CYTH1: variants seen among roughly 807,000 people sequenced by gnomAD.
CYTH1 encodes the protein cytohesin-1.
In CYTH1, 18 loss-of-function variants were observed where a neutral mutation model predicts 61.8. The ratio of observed to expected loss-of-function variants is 0.29; its 90% CI spans 0.20 to 0.43. CYTH1 has a LOEUF of 0.43. CYTH1 is among the 20% of genes least tolerant of loss of function. The pLI is 1.00. For missense variants in CYTH1, 336 were observed against 510.5 expected (o/e 0.66, Z 3.29); for synonymous variants, 174 against 184.3 (o/e 0.94, Z 0.45).
In CYTH1 at chr17:78,700,868, C is replaced by A. The variant is rs1051020605; in HGVS notation, c.438-425G>T. Among the ~76,000 whole-genome samples the A allele has an allele frequency of 2.0e-5, 3 of 152,100 alleles. No individual in the cohort carries two copies. The highest frequency in any genetic ancestry group is 4.4e-5 in the Non-Finnish European group (3 of 68,006). ...ACATCAAAGTGCAAAGGGAACCCTG[C>A]TGGGCTGCAGCCTTCTGTTACTGTA... On this transcript the variant is annotated intron_variant, in intron 6 of 13. Transcript: ENST00000446868. This position sits in a 1 kb window ranked among gnomAD's most constrained non-coding sequence, Gnocchi z 5.1.
intron 3 of CYTH1, among the ~76,000 whole-genome samples, chr17:78,705,512 CATGAGT>C (rs2093056162): frequency 6.6e-6 from 1 of 152,140 alleles, no homozygotes; most frequent in Non-Finnish European, 1.5e-5. Context: ...TCCTGTACTA[CATGAGT>C]ATATTATTTC....
intron 1 of CYTH1, chr17:78,727,610 T>TCCA (rs781354735): frequency 1.7e-5 from 8 of 460,318 alleles, no homozygotes. Flanking sequence ...GCACCAGCCT[T>TCCA]CCAAGTCGCG....
rs945289657 is a variant in CYTH1 at position 78,675,873 on chromosome 17, G to A, written c.*218C>T. 2.7e-6 allele frequency: 4 copies of A among 1,472,904 alleles called. No individual in the cohort carries two copies. Among genetic ancestry groups the A allele is most frequent in the Non-Finnish European group, 3.6e-6 (4 of 1,111,586 alleles). The allele number at this position is 1,472,904 out of a possible 1,614,324, so 91.2% of individuals were successfully genotyped here. ...TGCCCTGTGAGAGAGGAAGGCTCTG[G>A]AGCCCATGCTGGACAGGTGGCCGGT... On this transcript the variant is annotated 3_prime_UTR_variant, in exon 14 of 14. Transcript: ENST00000446868.
At chr17:78,778,364 G>A (rs548243478) in intron 1 of CYTH1, among the ~76,000 whole-genome samples, 36 of 149,262 alleles carry the variant, frequency 2.4e-4, no homozygotes, top group Admixed American at 1.5e-3. Context: ...AGGGCCGGGC[G>A]TGGTGGCTCA....
At chr17:78,767,503 A>G (rs976769236) in intron 1 of CYTH1, among the ~76,000 whole-genome samples, 1 of 152,002 alleles carries the variant, frequency 6.6e-6, no homozygotes, top group African/African-American at 2.4e-5. Flanking sequence ...AAATACCCTG[A>G]CACAAAGAAT....
intron 1 of CYTH1, among the ~76,000 whole-genome samples, chr17:78,764,083 C>T (rs1039245638): frequency 3.9e-5 from 6 of 152,104 alleles, no homozygotes; most frequent in Admixed American, 3.9e-4. Flanking sequence ...TGCACTCCAG[C>T]CTGGGTGACA....
intron 1 of CYTH1, among the ~76,000 whole-genome samples, chr17:78,726,870 AG>A (rs2093269719): frequency 6.6e-6 from 1 of 152,194 alleles, no homozygotes; most frequent in Non-Finnish European, 1.5e-5. Context: ...CCTGTTCAGA[AG>A]CGGTAGCAAA....
At chr17:78,749,464 A>G (rs1204347024) in intron 1 of CYTH1, among the ~76,000 whole-genome samples, 2 of 151,826 alleles carry the variant, frequency 1.3e-5, no homozygotes, top group Non-Finnish European at 2.9e-5. Flanking sequence ...CATCCCCCCT[A>G]CAAAAAAAAA....
chr17:78,736,773 G>A (rs1424304530), intron 1 of CYTH1: 29 of 364,724 alleles, frequency 8.0e-5, no homozygotes, highest in East Asian at 3.7e-4. Context: ...CCAGGAGAGC[G>A]GTAACTTACT....
At chr17:78,732,138 C>T (rs1206423650) in intron 1 of CYTH1, among the ~76,000 whole-genome samples, 1 of 152,212 alleles carries the variant, frequency 6.6e-6, no homozygotes, top group Non-Finnish European at 1.5e-5. Context: ...TTCGGCTGAC[C>T]ACGCTGCAGG....
chr17:78,760,419 ATATATACACATACATATATATATG>A (rs2093419382), intron 1 of CYTH1, among the ~76,000 whole-genome samples: 10 of 79,232 alleles, frequency 1.3e-4, no homozygotes, highest in East Asian at 4.2e-4. Context: ...GTATATATAT[ATATATACACATACATATATATATG>A]TATATATATA....
rs59964250 is a variant in CYTH1, at chr17:78,675,631, TAAA to T, written c.*457_*459del. On this transcript the variant is annotated 3_prime_UTR_variant, in exon 14 of 14. Transcript: ENST00000446868. ...ACCTGAACAGCCCTACGTTCTCTCT[TAAA>T]AAAAAAAAAATAGATCTTTATAGTA... 9.3e-5 allele frequency: 24 copies of T among 257,322 alleles called. No individual in the cohort carries two copies. The highest frequency in any genetic ancestry group is 2.1e-4 in the East Asian group (3 of 14,526). The allele number at this position is 257,322 out of a possible 1,614,324, so 15.9% of individuals were successfully genotyped here.
At position 78,717,262 on chromosome 17, in the gene CYTH1, C is replaced by T. The variant is rs1029745288; in HGVS notation, c.23-7530G>A. Among the ~76,000 whole-genome samples, 5 of 152,194 alleles carry T rather than the reference C, an allele frequency of 3.3e-5. No individual in the cohort carries two copies. Among genetic ancestry groups the T allele is most frequent in the South Asian group, 2.1e-4 (1 of 4,830 alleles). ...GAGCCGCCCTGACACACCACCCGGT[C>T]GCTCGCCCTCCTCGCCCATTGCCAG... On this transcript the variant is annotated intron_variant, in intron 1 of 13. Coordinates refer to ENST00000446868, the MANE Select transcript of CYTH1 (RefSeq NM_004762.6). This position sits in a 1 kb window ranked among gnomAD's most constrained non-coding sequence, Gnocchi z 4.4.
rs146487556 is a variant in CYTH1 at position 78,753,226 on chromosome 17, G to A, written c.22+28976C>T. ...TTCAATCCTAGCACGTTGGGAGGCT[G>A]AGGTGGGAGAATTGCTTGAGGCCAG... On this transcript the variant is annotated intron_variant, in intron 1 of 13. Transcript: ENST00000446868. Among the ~76,000 whole-genome samples the A allele has an allele frequency of 2.6e-5, 4 of 152,314 alleles. No individual in the cohort carries two copies. The East Asian group carries it at 7.7e-4, about 29-fold the overall frequency.
intron 1 of CYTH1, among the ~76,000 whole-genome samples, chr17:78,765,658 G>GCTTCT (rs1485267931): frequency 6.6e-6 from 1 of 152,086 alleles, no homozygotes; most frequent in African/African-American, 2.4e-5. Context: ...CTAAACAGAA[G>GCTTCT]GTTTAGTCAG....
At chr17:78,699,854 T>C (rs2092989735) in intron 7 of CYTH1, among the ~76,000 whole-genome samples, 1 of 152,200 alleles carries the variant, frequency 6.6e-6, no homozygotes, top group African/African-American at 2.4e-5. Flanking sequence ...GGTGCAATCA[T>C]AGCTCACTGC....
At chr17:78,724,321 C>G (rs753500372) in intron 1 of CYTH1, among the ~76,000 whole-genome samples, 1 of 152,222 alleles carries the variant, frequency 6.6e-6, no homozygotes, top group Non-Finnish European at 1.5e-5. Context: ...AGGGTTACTG[C>G]AGACCACACA....
chr17:78,702,680 T>A, intron 3 of CYTH1, 76 bp from the exon 4 acceptor site: 2 of 1,444,742 alleles, frequency 1.4e-6, no homozygotes, highest in Non-Finnish European at 9.7e-7. Context: ...TGATTTCCAC[T>A]GATTTACACA....
chr17:78,692,453 C>G lies in CYTH1; in HGVS notation c.855G>C (p.Leu285=), dbSNP rs371453580. The G allele has an allele frequency of 5.0e-6, 8 of 1,614,106 alleles. No homozygotes were observed. The highest frequency in any genetic ancestry group is 6.8e-6 in the Non-Finnish European group (8 of 1,180,018). ...CAAAGTAGTAAAGGCAGTTGTCAGTCAGAATGAACCAGCGTCTCTTCCAAG... is the reference window on the plus strand; with the variant it reads ...CAAAGTAGTAAAGGCAGTTGTCAGTGAGAATGAACCAGCGTCTCTTCCAAG... ...VKTWKRRWFI[L]TDNCLYYFEY... is the part of the protein sequence containing the mutation. Residue 285 remains leucine (L), a synonymous_variant, in exon 11 of 14, where the codon CTG becomes CTC. Coordinates refer to ENST00000446868, the MANE Select transcript of CYTH1 (RefSeq NM_004762.6).
Sources: allele counts gnomAD v4.1 joint callset (sites outside exome capture counted in the v4.1 genomes callset), GRCh38; gene constraint gnomAD v4.1.1; non-coding constraint Gnocchi (gnomAD v3.1); transcripts MANE v1.5; gene names NCBI Gene and HGNC (gene_info 2026-07-23, HGNC 2026-07-21).